Variants in GALNT13 observed in about 807,000 individuals in gnomAD.
GALNT13 encodes the protein polypeptide N-acetylgalactosaminyltransferase 13.
GALNT13 carries 28 observed loss-of-function variants against 64.2 expected under a neutral mutation model. That is an observed-to-expected ratio of 0.44 (90% CI 0.32 to 0.60). The LOEUF (loss-of-function observed/expected upper bound fraction) is 0.60. GALNT13 is among the 20% of genes least tolerant of loss of function. GALNT13 has a pLI of 0.05. For missense variants in GALNT13, 577 were observed against 669.8 expected, an observed-to-expected ratio of 0.86 and a Z score of 1.53; for synonymous variants, 214 against 224.6, an observed-to-expected ratio of 0.95 and a Z score of 0.42.
the GALNT13 span, among the ~76,000 whole-genome samples, chr2:153,817,615 G>C: frequency 6.6e-6 from 1 of 152,102 alleles, no homozygotes; most frequent in Non-Finnish European, 1.5e-5. Context: ...TGTTTTTGGA[G>C]GTGGACTGCA....
chr2:153,316,459 G>A, the GALNT13 span, among the ~76,000 whole-genome samples: 1 of 146,216 alleles, frequency 6.8e-6, no homozygotes, highest in Non-Finnish European at 1.5e-5. Context: ...TGGCCAACAT[G>A]AAGAAACAAT....
At chr2:153,141,915 A>T in the GALNT13 span, among the ~76,000 whole-genome samples, 2 of 152,078 alleles carry the variant, frequency 1.3e-5, no homozygotes, top group Non-Finnish European at 2.9e-5. Flanking sequence ...CATGCTTAGT[A>T]ACATGTCCTC....
intron 11 of GALNT13, among the ~76,000 whole-genome samples, chr2:154,410,409 T>A (rs1699740751): frequency 1.3e-5 from 2 of 151,952 alleles, no homozygotes; most frequent in South Asian, 4.1e-4. Flanking sequence ...TCTTTAGTGT[T>A]TAGAGTTAAC....
chr2:153,130,653 T>C, the GALNT13 span, among the ~76,000 whole-genome samples: 1 of 152,128 alleles, frequency 6.6e-6, no homozygotes, highest in African/African-American at 2.4e-5. Flanking sequence ...GCTGATGCTC[T>C]CTCTAGTATT....
At chr2:153,531,386 G>T in the GALNT13 span, among the ~76,000 whole-genome samples, 4 of 152,122 alleles carry the variant, frequency 2.6e-5, no homozygotes, top group Non-Finnish European at 5.9e-5. Context: ...TAAACAATTA[G>T]ATTTCATGAG....
the GALNT13 span, among the ~76,000 whole-genome samples, chr2:153,567,798 A>T: frequency 6.6e-6 from 1 of 152,262 alleles, no homozygotes. Flanking sequence ...CTGATTATTT[A>T]AAAAATAACA....
At chr2:153,473,923 C>T in the GALNT13 span, among the ~76,000 whole-genome samples, 1 of 152,152 alleles carries the variant, frequency 6.6e-6, no homozygotes, top group Admixed American at 6.5e-5. Context: ...ATTGCTTACT[C>T]CCCAGTACAA....
chr2:153,656,048 G>C, the GALNT13 span, among the ~76,000 whole-genome samples: 1 of 152,140 alleles, frequency 6.6e-6, no homozygotes, highest in South Asian at 2.1e-4. Context: ...AACTGTGAAT[G>C]GTATGTCTCC....
intron 4 of GALNT13, among the ~76,000 whole-genome samples, chr2:154,214,231 A>G (rs905570278): frequency 2.6e-5 from 4 of 152,088 alleles, no homozygotes; most frequent in African/African-American, 4.8e-5. Flanking sequence ...CCAATAACCA[A>G]TCCTTCATCA....
chr2:153,191,155 C>T, the GALNT13 span, among the ~76,000 whole-genome samples: 2 of 152,144 alleles, frequency 1.3e-5, no homozygotes, highest in South Asian at 2.1e-4. Context: ...AGTTCCAGTT[C>T]TTACAGGAAA....
chr2:153,868,024 T>A (rs1685795039), upstream of GALNT13, among the ~76,000 whole-genome samples: 1 of 152,168 alleles, frequency 6.6e-6, no homozygotes, highest in Admixed American at 6.5e-5. Flanking sequence ...GGTTAGGACA[T>A]ACCTCAGCAA....
the GALNT13 span, among the ~76,000 whole-genome samples, chr2:153,213,865 T>G: frequency 6.6e-6 from 1 of 152,280 alleles, no homozygotes; most frequent in South Asian, 2.1e-4. Flanking sequence ...TAATGAGAAC[T>G]GGTATTCATT....
chr2:153,280,694 G>T, the GALNT13 span, among the ~76,000 whole-genome samples: 5 of 152,004 alleles, frequency 3.3e-5, no homozygotes, highest in African/African-American at 1.2e-4. Flanking sequence ...TTTGGCAATG[G>T]TTTCTATTTT....
chr2:154,427,625 T>G (rs1700528628), intron 11 of GALNT13, among the ~76,000 whole-genome samples: 1 of 152,210 alleles, frequency 6.6e-6, no homozygotes, highest in East Asian at 1.9e-4. Context: ...ATGAGAATAC[T>G]GAACATAAGA....
the GALNT13 span, among the ~76,000 whole-genome samples, chr2:153,087,431 G>A: frequency 6.6e-6 from 1 of 152,022 alleles, no homozygotes; most frequent in Non-Finnish European, 1.5e-5. Context: ...ATAATGGTCC[G>A]TAGTTTTCTT....
the GALNT13 span, among the ~76,000 whole-genome samples, chr2:153,821,861 G>C: frequency 1.3e-5 from 2 of 152,070 alleles, no homozygotes; most frequent in Non-Finnish European, 2.9e-5. Flanking sequence ...AAAAGAGAGA[G>C]AAAATTCACA....
the GALNT13 span, among the ~76,000 whole-genome samples, chr2:153,196,674 A>G: frequency 6.6e-6 from 1 of 151,692 alleles, no homozygotes; most frequent in South Asian, 2.1e-4. Context: ...CCAGGTTCTC[A>G]CTGGGCACCT....
In GALNT13 at chr2:154,320,444, T is replaced by C. The variant is rs143859190; in HGVS notation, c.1156+18855T>C. On this transcript the variant is annotated intron_variant, in intron 9 of 12. Transcript: ENST00000392825. ...AAGCAATTAATTGATGGGCTTCTTATCAGCCTTCTGAGTATAAATTCAGTA... is the reference window on the plus strand; with the variant it reads ...AAGCAATTAATTGATGGGCTTCTTACCAGCCTTCTGAGTATAAATTCAGTA... 2.7e-3 allele frequency among the ~76,000 whole-genome samples: 407 copies of C among 152,324 alleles called. 3 individuals are homozygous for C. The highest frequency in any genetic ancestry group is 9.5e-3 in the African/African-American group (393 of 41,578).
At chr2:153,342,169 T>C in the GALNT13 span, among the ~76,000 whole-genome samples, 1 of 152,214 alleles carries the variant, frequency 6.6e-6, no homozygotes, top group Non-Finnish European at 1.5e-5. Context: ...CTTTGACTTA[T>C]TGCCTCTAGA....
Sources: gnomAD v4.1 joint callset for allele counts (sites outside exome capture counted in the v4.1 genomes callset) on GRCh38, gnomAD v4.1.1 for gene constraint, MANE v1.5 for transcripts, NCBI Gene and HGNC (gene_info 2026-07-23, HGNC 2026-07-21) for gene names.